TENM1: variants seen among roughly 807,000 people sequenced by gnomAD.
The protein encoded by TENM1 is teneurin-1.
In TENM1, 35 loss-of-function variants were observed where a neutral mutation model predicts 174.8. The observed-to-expected ratio is 0.20, with a 90% CI of 0.15 to 0.27. TENM1 has a LOEUF of 0.27. Ranked by LOEUF, TENM1 falls within the 10% of genes least tolerant of loss-of-function variation. The pLI is 1.00. For synonymous variants in TENM1, 781 were observed against 798.7 expected (o/e 0.98, Z 0.37); for missense variants, 1,633 against 2,130.1 (o/e 0.77, Z 4.59).
chrX:124,571,040 ACAATACATGTTCTTTC>A (rs2049043757), intron 11 of TENM1, among the ~76,000 whole-genome samples: 2 of 111,949 alleles, frequency 1.8e-5, no homozygotes, highest in Admixed American at 9.5e-5. Flanking sequence ...CTATGACTAT[ACAATACATGTTCTTTC>A]CAAGCACACA....
the TENM1 span, among the ~76,000 whole-genome samples, chrX:125,120,460 C>T: frequency 4.5e-5 from 5 of 110,196 alleles, no homozygotes; most frequent in African/African-American, 9.9e-5. Context: ...TACCTAATGC[C>T]CTCCCCCAAC....
intron 3 of TENM1, among the ~76,000 whole-genome samples, chrX:124,772,071 T>C (rs2054664998): frequency 8.9e-6 from 1 of 111,951 alleles, no homozygotes; most frequent in African/African-American, 3.2e-5. Context: ...ATTGTACTAC[T>C]ATTGCTTTTA....
At chrX:124,743,550 A>T (rs1282360056) in intron 3 of TENM1, among the ~76,000 whole-genome samples, 1 of 111,879 alleles carries the variant, frequency 8.9e-6, no homozygotes, top group Non-Finnish European at 1.9e-5. Context: ...AGCTAACAAT[A>T]AATTACAATG....
At chrX:124,793,332 A>T (rs1402372082) in intron 3 of TENM1, among the ~76,000 whole-genome samples, 1 of 111,723 alleles carries the variant, frequency 9.0e-6, no homozygotes, top group African/African-American at 3.2e-5. Context: ...AAAATAGAAC[A>T]AAATCACAGA....
intron 11 of TENM1, among the ~76,000 whole-genome samples, chrX:124,603,324 T>C (rs1052594805): frequency 8.9e-6 from 1 of 111,973 alleles, no homozygotes; most frequent in Non-Finnish European, 1.9e-5. Context: ...CATGATGCAA[T>C]TTAAACATGC....
intron 3 of TENM1, among the ~76,000 whole-genome samples, chrX:124,783,566 C>T (rs1234979746): frequency 9.0e-6 from 1 of 111,138 alleles, no homozygotes; most frequent in Non-Finnish European, 1.9e-5. Context: ...CTATCATAAT[C>T]TATCTTTCTG....
chrX:125,101,834 C>T, the TENM1 span, among the ~76,000 whole-genome samples: 1 of 110,422 alleles, frequency 9.1e-6, no homozygotes, highest in African/African-American at 3.3e-5. Context: ...CAGTAGGATA[C>T]TGACCATTAA....
chrX:125,007,024 G>T, the TENM1 span, among the ~76,000 whole-genome samples: 2 of 111,793 alleles, frequency 1.8e-5, no homozygotes, highest in African/African-American at 6.5e-5. Flanking sequence ...GACAGAGAAT[G>T]AGATGGATAA....
intron 18 of TENM1, among the ~76,000 whole-genome samples, chrX:124,513,392 C>T (rs941883918): frequency 5.4e-5 from 6 of 111,879 alleles, no homozygotes; most frequent in African/African-American, 1.6e-4. Context: ...CAAATTGAGC[C>T]TACCCAGATA....
the TENM1 span, among the ~76,000 whole-genome samples, chrX:124,999,023 T>C: frequency 1.8e-5 from 2 of 111,297 alleles, no homozygotes; most frequent in Middle Eastern, 9.4e-3. Context: ...AAGTGCGATA[T>C]CAATCCGGAT....
At chrX:124,547,044 G>A in exon 15 of TENM1, 1 of 1,211,026 alleles carries the variant, frequency 8.3e-7, no homozygotes, top group Non-Finnish European at 1.1e-6. Context: ...TTATATAACA[G>A]TTGCTTTGTT....
intron 3 of TENM1, among the ~76,000 whole-genome samples, chrX:124,845,114 T>C (rs765436809): frequency 1.1e-3 from 122 of 112,148 alleles, no homozygotes; most frequent in Admixed American, 3.8e-4. Flanking sequence ...ATTTAAAAAT[T>C]ACATATTCTC....
chrX:124,644,176 T>C (rs1281093777), intron 10 of TENM1, among the ~76,000 whole-genome samples: 1 of 101,337 alleles, frequency 9.9e-6, no homozygotes, highest in Non-Finnish European at 2.0e-5. Flanking sequence ...ATGGCATATA[T>C]ATATATAGAC....
At chrX:125,154,024 T>C in the TENM1 span, among the ~76,000 whole-genome samples, 6 of 112,396 alleles carry the variant, frequency 5.3e-5, no homozygotes, top group Non-Finnish European at 9.4e-5. Flanking sequence ...AAATATAACA[T>C]CATTTACAAA....
At chrX:125,051,620 C>A in the TENM1 span, among the ~76,000 whole-genome samples, 3 of 106,424 alleles carry the variant, frequency 2.8e-5, no homozygotes, top group East Asian at 2.9e-4. Context: ...ATAAATGGTG[C>A]TGGGAAAACT....
chrX:124,667,071 T>A (rs1160571547), intron 6 of TENM1, among the ~76,000 whole-genome samples: 1 of 112,168 alleles, frequency 8.9e-6, no homozygotes, highest in Non-Finnish European at 1.9e-5. Context: ...GCTCTTTCTA[T>A]GTGATCTCAA....
intron 23 of TENM1, among the ~76,000 whole-genome samples, chrX:124,438,929 C>G (rs1160124385): frequency 8.9e-6 from 1 of 111,890 alleles, no homozygotes; most frequent in Non-Finnish European, 1.9e-5. Flanking sequence ...TGCGGATAGT[C>G]TCATTGCATT....
the TENM1 span, among the ~76,000 whole-genome samples, chrX:125,073,185 G>GA: frequency 9.0e-6 from 1 of 111,115 alleles, no homozygotes; most frequent in Admixed American, 9.6e-5. Flanking sequence ...GATAACTTAT[G>GA]AAAAAATTAA....
At position 124,917,301 on chromosome X, in the gene TENM1, T is replaced by C. The variant is rs142382178; in HGVS notation, c.218-21060A>G. On this transcript the variant is annotated intron_variant, in intron 1 of 31. Coordinates refer to ENST00000422452, the Ensembl canonical transcript of TENM1. ...GCTAAGACCATGTTCCACCTTGTTG[T>C]TTGGTTACTTGAGCCAAAAAAACTT... Among the ~76,000 whole-genome samples, 1,048 of 111,910 alleles carry C rather than the reference T, an allele frequency of 9.4e-3. 16 individuals are homozygous for C. Among genetic ancestry groups the C allele is most frequent in the African/African-American group, 0.032 (999 of 30,762 alleles).
Sources: gnomAD v4.1 joint callset for allele counts (sites outside exome capture counted in the v4.1 genomes callset) on GRCh38, gnomAD v4.1.1 for gene constraint, MANE v1.5 for transcripts, NCBI Gene and HGNC (gene_info 2026-07-23, HGNC 2026-07-21) for gene names.